The following FKBP5 variants were observed in gnomAD, a reference collection of about 807,000 sequenced individuals.
FKBP5 encodes FKBP prolyl isomerase 5, also known as peptidyl-prolyl cis-trans isomerase FKBP5.
FKBP5 carries 23 observed loss-of-function variants against 50.5 expected under a neutral mutation model. The ratio of observed to expected loss-of-function variants is 0.46; its 90% CI spans 0.33 to 0.65. The LOEUF (loss-of-function observed/expected upper bound fraction) is 0.65, where lower values mean the gene tolerates loss of function less well. Among genes scored for constraint, FKBP5 ranks in the 30% least tolerant of loss-of-function variants. FKBP5 has a pLI of 0.02. For synonymous variants in FKBP5, 176 were observed against 190.6 expected, an observed-to-expected ratio of 0.92 and a Z score of 0.63; for missense variants, 411 against 553.1, an observed-to-expected ratio of 0.74 and a Z score of 2.58.
Position 35,575,752 on chromosome 6 carries a change from A to T in FKBP5, c.*83T>A. 1.1e-6 allele frequency: 1 copy of T among 947,476 alleles called. No individual in the cohort carries two copies. 58.7% of individuals were successfully genotyped at this position (947,476 alleles called of 1,614,324 possible). A position where few individuals can be genotyped will look rare whatever the true frequency, so the allele number is the denominator to read the frequency against. On this transcript the variant is annotated 3_prime_UTR_variant, in exon 11 of 11. Transcript: ENST00000357266. ...CATAGACTATAACAAACTTTACATT[A>T]AACACTGTTCTGTCCTGAGTTGGGG...
chr6:35,588,065 G>A lies in FKBP5; in HGVS notation c.757-948C>T, dbSNP rs148862624. 6.5e-3 allele frequency among the ~76,000 whole-genome samples: 960 copies of A among 147,442 alleles called. 10 individuals are homozygous for A. The highest frequency in any genetic ancestry group is 0.023 in the African/African-American group (899 of 39,692). On this transcript the variant is annotated intron_variant, in intron 7 of 10. Coordinates refer to ENST00000357266, the MANE Select transcript of FKBP5 (RefSeq NM_004117.4). ...TTTGAGACGGAGTTTCGCTCTTGTT[G>A]TCCAGGCTGGAGTGCAATGGTGTGA...
chr6:35,707,278 G>C (rs1471213025), intron 2 of FKBP5, among the ~76,000 whole-genome samples: 2 of 142,544 alleles, frequency 1.4e-5, no homozygotes, highest in African/African-American at 5.3e-5. Flanking sequence ...GTGCAATGAC[G>C]TGATCTCGGC....
chr6:35,595,735 G>A (rs1762966012), intron 6 of FKBP5, among the ~76,000 whole-genome samples: 1 of 151,826 alleles, frequency 6.6e-6, no homozygotes, highest in Non-Finnish European at 1.5e-5. Context: ...GGGCGACAGA[G>A]TGAGATCCTG....
At chr6:35,621,261 A>C (rs1312789110) in intron 3 of FKBP5, among the ~76,000 whole-genome samples, 1 of 152,226 alleles carries the variant, frequency 6.6e-6, no homozygotes, top group Non-Finnish European at 1.5e-5. Flanking sequence ...GATGTGCATC[A>C]TTATCTTACT....
intron 2 of FKBP5, among the ~76,000 whole-genome samples, chr6:35,715,217 G>A (rs896934975): frequency 6.6e-6 from 1 of 152,132 alleles, no homozygotes; most frequent in Non-Finnish European, 1.5e-5. Flanking sequence ...AAATGTTAAT[G>A]AGTCCATTCA....
rs781647894 is a variant in FKBP5, at chr6:35,597,377, C to T, written c.536G>A (p.Arg179Lys). The T allele has an allele frequency of 8.1e-6, 13 of 1,614,012 alleles. No individual in the cohort carries two copies. The highest frequency in any genetic ancestry group is 1.1e-5 in the Non-Finnish European group (13 of 1,179,982). Residue 179 changes from arginine (R) to lysine (K), a missense_variant, in exon 6 of 11, where the codon AGG becomes AAG. Physicochemically the swap from Arg to Lys is conservative, Grantham distance 26 (BLOSUM62 2). Around this residue, in one of 3 missense-constraint regions of FKBP5, gnomAD observed 267 missense variants for 405.9 expected, o/e 0.66. Transcript: ENST00000357266. ...TGCCACATCTCTGCAGTCAAACATC[C>T]TTCCACCACAGCGGCCTTCCAGGTG... ...EIHLEGRCGG[R>K]MFDCRDVAFT...
At chr6:35,703,423 T>G (rs954892812) in intron 2 of FKBP5, among the ~76,000 whole-genome samples, 1 of 151,894 alleles carries the variant, frequency 6.6e-6, no homozygotes, top group African/African-American at 2.4e-5. Flanking sequence ...AAAATAAAAA[T>G]AAAAGTTAAA....
chr6:35,677,416 T>C (rs1765557221), intron 1 of FKBP5, among the ~76,000 whole-genome samples: 1 of 152,176 alleles, frequency 6.6e-6, no homozygotes, highest in Non-Finnish European at 1.5e-5. Context: ...GGTCAGGAAA[T>C]ATGAGACATG....
At chr6:35,726,971 C>T (rs1766726608) in intron 1 of FKBP5, among the ~76,000 whole-genome samples, 2 of 152,178 alleles carry the variant, frequency 1.3e-5, no homozygotes, top group African/African-American at 2.4e-5. Context: ...ACAGGCCACA[C>T]GCTGTGCCGT....
At chr6:35,701,191 G>A (rs1383317290) in intron 2 of FKBP5, among the ~76,000 whole-genome samples, 1 of 150,294 alleles carries the variant, frequency 6.7e-6, no homozygotes, top group African/African-American at 2.5e-5. Context: ...AATTTAACTA[G>A]GAGTGCTGTG....
chr6:35,653,141 A>G (rs1764858707), intron 1 of FKBP5, among the ~76,000 whole-genome samples: 1 of 152,178 alleles, frequency 6.6e-6, no homozygotes, highest in Non-Finnish European at 1.5e-5. Flanking sequence ...GCTTGAAACC[A>G]GGAGTTCAAG....
At chr6:35,585,154 C>T (rs1561844423) in intron 8 of FKBP5, 1 of 981,320 alleles carries the variant, frequency 1.0e-6, no homozygotes, top group Non-Finnish European at 1.2e-6. Flanking sequence ...TCAAATCTTC[C>T]CAAACTGTTA....
chr6:35,589,857 A>G (rs79115269), intron 7 of FKBP5, among the ~76,000 whole-genome samples: 1,765 of 152,340 alleles, frequency 0.012, 32 homozygotes, highest in African/African-American at 0.038. Context: ...GAAGTAGAAG[A>G]GGTATGATTA....
At chr6:35,717,842 T>C (rs1337591006) in intron 2 of FKBP5, among the ~76,000 whole-genome samples, 1 of 152,198 alleles carries the variant, frequency 6.6e-6, no homozygotes, top group Admixed American at 6.5e-5. Context: ...CCAGGTTTGA[T>C]GCTCCAGCCT....
chr6:35,702,406 A>G (rs1216208786), intron 2 of FKBP5, among the ~76,000 whole-genome samples: 1 of 151,334 alleles, frequency 6.6e-6, no homozygotes, highest in Non-Finnish European at 1.5e-5. Flanking sequence ...TAGTCTTTTG[A>G]CAAATGGTGC....
chr6:35,589,106 A>G (rs55650606), intron 7 of FKBP5, among the ~76,000 whole-genome samples: 2 of 112,366 alleles, frequency 1.8e-5, no homozygotes, highest in African/African-American at 8.4e-5. Context: ...ATATATATAT[A>G]TTTTTATATA....
rs185206184 is a variant in FKBP5, at chr6:35,639,520, A to T, written c.106-2362T>A. ...TTCTCTGGGCATGGGCACTCTGAAAAGATGAAAGGGTAAGTCGTAAACAGA... is the reference window on the plus strand; with the variant it reads ...TTCTCTGGGCATGGGCACTCTGAAATGATGAAAGGGTAAGTCGTAAACAGA... On this transcript the variant is annotated intron_variant, in intron 2 of 10. Coordinates refer to ENST00000357266, the MANE Select transcript of FKBP5 (RefSeq NM_004117.4). 1.2e-3 allele frequency among the ~76,000 whole-genome samples: 180 copies of T among 152,310 alleles called. 1 individual carries two copies. Among genetic ancestry groups the T allele is most frequent in the African/African-American group, 4.0e-3 (167 of 41,580 alleles).
At chr6:35,578,782 AG>A (rs892635718) in intron 9 of FKBP5, among the ~76,000 whole-genome samples, 1 of 150,964 alleles carries the variant, frequency 6.6e-6, no homozygotes, top group African/African-American at 2.4e-5. Flanking sequence ...AAAAAAAAAA[AG>A]AGGAAAATAA....
intron 5 of FKBP5, among the ~76,000 whole-genome samples, chr6:35,618,067 GATTATA>G (rs1318332811): frequency 2.0e-5 from 3 of 152,194 alleles, no homozygotes; most frequent in Non-Finnish European, 4.4e-5. Context: ...TCCTAAAAGG[GATTATA>G]ATCTACTGCT....
Sources: gnomAD v4.1 joint callset for allele counts (sites outside exome capture counted in the v4.1 genomes callset) on GRCh38, gnomAD v4.1.1 for gene constraint, gnomAD v4.1.1 regional missense constraint, MANE v1.5 for transcripts, NCBI Gene and HGNC (gene_info 2026-07-23, HGNC 2026-07-21) for gene names.